HORMAD2: variants seen among roughly 807,000 people sequenced by gnomAD.
HORMAD2 encodes HORMA domain-containing protein 2.
HORMAD2 carries 45 observed loss-of-function variants against 38.8 expected under a neutral mutation model. The observed-to-expected ratio is 1.16, with a 90% CI of 0.91 to 1.49. HORMAD2 has a LOEUF of 1.49. HORMAD2 is among the 40% of genes most tolerant of loss of function. The pLI, the probability that HORMAD2 is intolerant of heterozygous loss-of-function variation, is 0.00. For missense variants in HORMAD2, 338 were observed against 367.0 expected (o/e 0.92, Z 0.65); for synonymous variants, 126 against 122.8 (o/e 1.03, Z -0.17).
intron 10 of HORMAD2, among the ~76,000 whole-genome samples, chr22:30,159,769 A>G (rs748738641): frequency 1.3e-5 from 2 of 152,046 alleles, no homozygotes; most frequent in Admixed American, 6.6e-5. Flanking sequence ...CTGATTCACT[A>G]CTGAAGACCA....
intron 7 of HORMAD2, among the ~76,000 whole-genome samples, chr22:30,115,393 CCACTG>C (rs1313245723): frequency 3.3e-5 from 5 of 152,154 alleles, no homozygotes; most frequent in African/African-American, 4.8e-5. Context: ...CAGGTGTGAG[CCACTG>C]CACTTGGCCA....
intron 1 of HORMAD2, among the ~76,000 whole-genome samples, chr22:30,083,425 G>A (rs1036131401): frequency 6.6e-6 from 1 of 152,150 alleles, no homozygotes; most frequent in African/African-American, 2.4e-5. Flanking sequence ...TAGATAATGA[G>A]CCTGAACAAA....
At chr22:30,154,735 G>A (rs1172346589) in intron 10 of HORMAD2, among the ~76,000 whole-genome samples, 2 of 152,078 alleles carry the variant, frequency 1.3e-5, no homozygotes, top group Non-Finnish European at 2.9e-5. Context: ...TTTGTCTGAT[G>A]TTTCCTCAAG....
intron 1 of HORMAD2, among the ~76,000 whole-genome samples, chr22:30,086,211 A>G (rs946907812): frequency 2.0e-5 from 3 of 151,992 alleles, no homozygotes; most frequent in Non-Finnish European, 2.9e-5. Flanking sequence ...CCCTTCTGCC[A>G]TGGTTGTAAG....
At position 30,111,792 on chromosome 22, in the gene HORMAD2, G is replaced by A. The variant is rs374393016; in HGVS notation, c.295-4G>A. ...ATAATAGTTTTTTTTTCTTTCTCTT[G>A]AAGCTACGTATGGCAGTACTGACAG... On this transcript the variant is annotated splice_region_variant and splice_polypyrimidine_tract_variant and intron_variant, in intron 5 of 10. Coordinates refer to ENST00000336726, the MANE Select transcript of HORMAD2 (RefSeq NM_152510.4). 6.4e-7 allele frequency: 1 copy of A among 1,553,276 alleles called. No homozygotes were observed. Among genetic ancestry groups the A allele is most frequent in the Admixed American group, 1.9e-5 (1 of 52,116 alleles).
At chr22:30,090,108 A>G (rs992372389) in intron 1 of HORMAD2, among the ~76,000 whole-genome samples, 2 of 152,170 alleles carry the variant, frequency 1.3e-5, no homozygotes, top group Admixed American at 6.5e-5. Context: ...CATGCCTATA[A>G]TCCCAGCACA....
At chr22:30,197,528 A>T in the HORMAD2 span, among the ~76,000 whole-genome samples, 2 of 152,256 alleles carry the variant, frequency 1.3e-5, no homozygotes, top group Admixed American at 6.5e-5. Flanking sequence ...CAAACCCTTT[A>T]AAAAAGGCAC....
intron 5 of HORMAD2, among the ~76,000 whole-genome samples, chr22:30,105,913 C>T (rs1381403940): frequency 6.6e-6 from 1 of 152,202 alleles, no homozygotes. Context: ...AATATCTAGT[C>T]CGAACGTTGC....
downstream of HORMAD2, among the ~76,000 whole-genome samples, chr22:30,179,487 G>GA (rs1926613245): frequency 6.6e-6 from 1 of 152,238 alleles, no homozygotes; most frequent in South Asian, 2.1e-4. Context: ...TAGTTAAAAA[G>GA]AAAAAAGCTT....
At chr22:30,080,984 G>C (rs1027200520) in intron 1 of HORMAD2, 2 of 152,430 alleles carry the variant, frequency 1.3e-5, no homozygotes, top group African/African-American at 4.8e-5. Flanking sequence ...AAGACACCCC[G>C]CCCCCCTTGA....
At chr22:30,174,088 AGGCTCTATT>A (rs1438530243) in intron 10 of HORMAD2, among the ~76,000 whole-genome samples, 1 of 152,218 alleles carries the variant, frequency 6.6e-6, no homozygotes, top group African/African-American at 2.4e-5. Flanking sequence ...TCTACTCCTG[AGGCTCTATT>A]GGTAAACAGA....
intron 1 of HORMAD2, among the ~76,000 whole-genome samples, chr22:30,086,858 G>C (rs182475329): frequency 1.0e-3 from 157 of 152,290 alleles, no homozygotes; most frequent in African/African-American, 3.1e-3. Context: ...GCAATGGCGT[G>C]ATCTTGGCTC....
At chr22:30,168,693 A>G (rs771762708) in intron 10 of HORMAD2, among the ~76,000 whole-genome samples, 5 of 152,118 alleles carry the variant, frequency 3.3e-5, no homozygotes, top group Non-Finnish European at 7.4e-5. Flanking sequence ...GGTAGGGCTC[A>G]GGTTCAGGCA....
At chr22:30,191,336 GGAAA>G in the HORMAD2 span, among the ~76,000 whole-genome samples, 1 of 152,102 alleles carries the variant, frequency 6.6e-6, no homozygotes, top group Non-Finnish European at 1.5e-5. Flanking sequence ...TTTTTTGATA[GGAAA>G]GAAAGTTTCT....
chr22:30,089,379 G>A (rs2068641447), intron 1 of HORMAD2, among the ~76,000 whole-genome samples: 1 of 149,116 alleles, frequency 6.7e-6, no homozygotes, highest in Admixed American at 6.7e-5. Context: ...TTGAGATGGA[G>A]TCTGGCTCTG....
chr22:30,160,599 G>A (rs1925383480), intron 10 of HORMAD2, among the ~76,000 whole-genome samples: 2 of 152,168 alleles, frequency 1.3e-5, no homozygotes, highest in Non-Finnish European at 1.5e-5. Context: ...TTGTCTTTTA[G>A]AAGGGGACTT....
intron 10 of HORMAD2, among the ~76,000 whole-genome samples, chr22:30,159,025 A>G (rs1241773462): frequency 6.6e-6 from 1 of 152,144 alleles, no homozygotes; most frequent in Non-Finnish European, 1.5e-5. Flanking sequence ...TCAATTTCAC[A>G]TCTCATTTTA....
intron 10 of HORMAD2, among the ~76,000 whole-genome samples, chr22:30,139,254 C>CTCTA (rs1261439013): frequency 1.2e-4 from 12 of 96,774 alleles, no homozygotes; most frequent in Admixed American, 3.1e-4. Context: ...ATGAACTGTA[C>CTCTA]TATATATATA....
intron 1 of HORMAD2, among the ~76,000 whole-genome samples, chr22:30,087,010 T>C (rs535275201): frequency 1.3e-4 from 20 of 152,260 alleles, no homozygotes; most frequent in Non-Finnish European, 2.5e-4. Context: ...GTCAAGCATG[T>C]GCCACCACGC....
Sources: allele counts gnomAD v4.1 joint callset (sites outside exome capture counted in the v4.1 genomes callset), GRCh38; gene constraint gnomAD v4.1.1; transcripts MANE v1.5; gene names NCBI Gene and HGNC (gene_info 2026-07-23, HGNC 2026-07-21).